Variants in LPP observed in about 807,000 individuals in gnomAD.
LPP encodes the protein LIM domain containing preferred translocation partner in lipoma, also known as lipoma-preferred partner.
In LPP, 38 loss-of-function variants were observed where a neutral mutation model predicts 60.4. The ratio of observed to expected loss-of-function variants is 0.63; its 90% CI spans 0.49 to 0.83. LPP has a LOEUF of 0.83. LPP is among the 40% of genes least tolerant of loss of function. The probability of loss-of-function intolerance (pLI) is 0.00; values close to 1 mark genes in which losing one functional copy is unlikely to be tolerated. For missense variants in LPP, 902 were observed against 783.6 expected (o/e 1.15, Z -1.80); for synonymous variants, 328 against 290.8 (o/e 1.13, Z -1.30).
chr3:188,426,534 C>G (rs1306062471), intron 4 of LPP, among the ~76,000 whole-genome samples: 1 of 151,968 alleles, frequency 6.6e-6, no homozygotes, highest in African/African-American at 2.4e-5. Flanking sequence ...GTTGATCTGT[C>G]TAATATTGAC....
At chr3:188,574,922 C>CT (rs1374508473) in intron 6 of LPP, among the ~76,000 whole-genome samples, 3 of 152,016 alleles carry the variant, frequency 2.0e-5, no homozygotes, top group African/African-American at 2.4e-5. Flanking sequence ...AAATTTCCCC[C>CT]TTTTTTTCAT....
intron 3 of LPP, among the ~76,000 whole-genome samples, chr3:188,402,034 G>C (rs1175373736): frequency 1.3e-5 from 2 of 152,088 alleles, no homozygotes; most frequent in South Asian, 4.1e-4. Context: ...ACTGCAAAAT[G>C]ACCTCAGAAT....
chr3:188,367,262 C>T (rs1771485669), intron 3 of LPP, among the ~76,000 whole-genome samples: 1 of 151,994 alleles, frequency 6.6e-6, no homozygotes, highest in African/African-American at 2.4e-5. Flanking sequence ...GAAAGTTCCC[C>T]TTAGCATGGC....
At chr3:188,299,678 T>TA (rs573543337) in intron 2 of LPP, among the ~76,000 whole-genome samples, 3 of 152,268 alleles carry the variant, frequency 2.0e-5, no homozygotes, top group Non-Finnish European at 1.5e-5. Flanking sequence ...TTCTTGTTTT[T>TA]AAAAAAATAG....
Position 188,235,888 on chromosome 3 carries a change from T to C in LPP, c.-67+10361T>C, listed in dbSNP as rs1480275429. Among the ~76,000 whole-genome samples the C allele has an allele frequency of 2.0e-5, 3 of 152,176 alleles. No individual in the cohort carries two copies. The East Asian group carries it at 5.8e-4, about 29-fold the overall frequency. ...CTTCAGTCTGCTGTATAAGCCTGTT[T>C]TCACAATCTTTCTTCTCCTCTAGAT... On this transcript the variant is annotated intron_variant, in intron 2 of 11. Coordinates refer to ENST00000617246, the MANE Select transcript of LPP (RefSeq NM_001375462.1).
chr3:188,324,812 G>A (rs1290802140), intron 2 of LPP, among the ~76,000 whole-genome samples: 1 of 152,062 alleles, frequency 6.6e-6, no homozygotes, highest in Non-Finnish European at 1.5e-5. Flanking sequence ...ATCTGCAGAA[G>A]GTCCCTGACT....
intron 1 of LPP, among the ~76,000 whole-genome samples, chr3:188,220,259 T>C (rs1342412549): frequency 7.8e-6 from 1 of 128,908 alleles, no homozygotes; most frequent in Non-Finnish European, 1.6e-5. Flanking sequence ...TTTGTTGTCA[T>C]GACTTTTTTT....
At position 188,572,582 on chromosome 3, in the gene LPP, C is replaced by A. The variant is rs757765565; in HGVS notation, c.430-36579C>A. On this transcript the variant is annotated intron_variant, in intron 6 of 11. Coordinates refer to ENST00000617246, the MANE Select transcript of LPP (RefSeq NM_001375462.1). This position sits in a 1 kb window ranked among gnomAD's most constrained non-coding sequence, Gnocchi z 4.1. ...TGTATCATTATGACTTACTGAATTTCATTCAGTAAATATTGCATGAAATTG... is the reference window on the plus strand; with the variant it reads ...TGTATCATTATGACTTACTGAATTTAATTCAGTAAATATTGCATGAAATTG... Among the ~76,000 whole-genome samples the A allele has an allele frequency of 1.1e-4, 16 of 152,096 alleles. No individual in the cohort carries two copies. Among genetic ancestry groups the A allele is most frequent in the Non-Finnish European group, 2.2e-4 (15 of 68,010 alleles).
At chr3:188,660,831 A>G (rs1445280830) in intron 7 of LPP, among the ~76,000 whole-genome samples, 1 of 152,140 alleles carries the variant, frequency 6.6e-6, no homozygotes, top group Non-Finnish European at 1.5e-5. Context: ...CAATCGATAA[A>G]CCTACATTGT....
chr3:188,536,490 A>G lies in LPP; in HGVS notation c.429+11703A>G, dbSNP rs560434019. Among the ~76,000 whole-genome samples, 19 of 152,352 alleles carry G rather than the reference A, an allele frequency of 1.2e-4. 1 individual carries two copies. In the South Asian group the frequency reaches 3.5e-3, roughly 28 times the overall value. On this transcript the variant is annotated intron_variant, in intron 6 of 11. Coordinates refer to ENST00000617246, the MANE Select transcript of LPP (RefSeq NM_001375462.1). The stretch of plus-strand genomic sequence containing the variant: ...ATGTCAAAACCAATTAATTGTCTAA[A>G]TCTAAGTCATGCTTTTTAAGTGGAA...
rs1041233627 is a variant in LPP, at chr3:188,879,984, C to T, written c.*5505C>T. Reference sequence around the variant, plus strand: ...TCTATCTTAGTTACAACATGCATGTCCCTTATTTTGTGGAGAGCTGTGTGA... The same window carrying T: ...TCTATCTTAGTTACAACATGCATGTTCCTTATTTTGTGGAGAGCTGTGTGA... On this transcript the variant is annotated 3_prime_UTR_variant, in exon 12 of 12. Coordinates refer to ENST00000617246, the MANE Select transcript of LPP (RefSeq NM_001375462.1). The T allele has an allele frequency of 5.6e-6, 1 of 178,476 alleles. No homozygotes were observed. Among genetic ancestry groups the T allele is most frequent in the African/African-American group, 2.4e-5 (1 of 42,228 alleles). 11.1% of individuals were successfully genotyped at this position (178,476 alleles called of 1,614,324 possible).
At chr3:188,264,160 T>C (rs1380712337) in intron 2 of LPP, among the ~76,000 whole-genome samples, 1 of 152,068 alleles carries the variant, frequency 6.6e-6, no homozygotes, top group Non-Finnish European at 1.5e-5. Flanking sequence ...AGTAGGTGCT[T>C]ATTAAGCTTT....
chr3:188,472,179 G>C (rs1350733722), intron 4 of LPP, among the ~76,000 whole-genome samples: 1 of 152,024 alleles, frequency 6.6e-6, no homozygotes, highest in Non-Finnish European at 1.5e-5. Flanking sequence ...TAGATGAATT[G>C]GCCCTTTTAA....
chr3:188,243,403 A>G lies in LPP; in HGVS notation c.-67+17876A>G, dbSNP rs142976692. On this transcript the variant is annotated intron_variant, in intron 2 of 11. Coordinates refer to ENST00000617246, the MANE Select transcript of LPP (RefSeq NM_001375462.1). ...TTTGCTGTTGAGTATTGATAGGAAA[A>G]CAGCATAGTTTGGGGCAATTTAAGT... is the stretch of plus-strand genomic sequence containing the variant. Among the ~76,000 whole-genome samples the G allele has an allele frequency of 3.2e-4, 49 of 152,334 alleles. No individual in the cohort carries two copies. The East Asian group carries it at 9.5e-3, about 29-fold the overall frequency.
At chr3:188,283,622 G>A (rs1044415117) in intron 2 of LPP, among the ~76,000 whole-genome samples, 1 of 152,140 alleles carries the variant, frequency 6.6e-6, no homozygotes, top group Non-Finnish European at 1.5e-5. Flanking sequence ...GTAGAAAGAG[G>A]ATGCGTGATA....
At chr3:188,755,965 A>T (rs953267968) in intron 8 of LPP, among the ~76,000 whole-genome samples, 1 of 151,920 alleles carries the variant, frequency 6.6e-6, no homozygotes, top group East Asian at 1.9e-4. Flanking sequence ...CCCAAAAATG[A>T]CTTGTTAAAA....
At chr3:188,385,917 C>T (rs1021562649) in intron 3 of LPP, among the ~76,000 whole-genome samples, 1 of 152,126 alleles carries the variant, frequency 6.6e-6, no homozygotes, top group Non-Finnish European at 1.5e-5. Context: ...TTTCTTTATG[C>T]ATTTAACCCC....
chr3:188,685,125 A>G (rs1473638628), intron 7 of LPP, among the ~76,000 whole-genome samples: 3 of 152,220 alleles, frequency 2.0e-5, no homozygotes, highest in Non-Finnish European at 4.4e-5. Context: ...GAACCTGCCC[A>G]AGGTCATACT....
At chr3:188,541,102 G>C (rs1825032996) in intron 6 of LPP, among the ~76,000 whole-genome samples, 1 of 152,154 alleles carries the variant, frequency 6.6e-6, no homozygotes, top group African/African-American at 2.4e-5. Context: ...TTATTAATTT[G>C]TCACAATTTA....
Sources: allele counts gnomAD v4.1 joint callset (sites outside exome capture counted in the v4.1 genomes callset), GRCh38; gene constraint gnomAD v4.1.1; non-coding constraint Gnocchi (gnomAD v3.1); transcripts MANE v1.5; gene names NCBI Gene and HGNC (gene_info 2026-07-23, HGNC 2026-07-21).